The following DRC8 variants were observed in gnomAD, a reference collection of about 807,000 sequenced individuals.
DRC8 encodes dynein regulatory complex protein 8.
chr1:244,994,305 A>T, the DRC8 span, among the ~76,000 whole-genome samples: 4 of 152,056 alleles, frequency 2.6e-5, no homozygotes, highest in Admixed American at 2.0e-4. Context: ...TCCTTTTAAA[A>T]TTTTTCATAG....
At chr1:245,090,711 A>T in the DRC8 span, among the ~76,000 whole-genome samples, 2 of 150,882 alleles carry the variant, frequency 1.3e-5, no homozygotes, top group African/African-American at 4.9e-5. Context: ...AGCTGGGGTC[A>T]TCCTGGACTC....
chr1:244,987,788 G>C, the DRC8 span, among the ~76,000 whole-genome samples: 1 of 151,892 alleles, frequency 6.6e-6, no homozygotes, highest in South Asian at 2.1e-4. Context: ...CAGTTCCCAT[G>C]GTAAGTATTC....
At chr1:245,018,226 C>CA in the DRC8 span, among the ~76,000 whole-genome samples, 6,326 of 61,738 alleles carry the variant, frequency 0.1, 791 homozygotes, top group African/African-American at 0.29. Flanking sequence ...GACTCTGTCT[C>CA]AAAAAAAAAA....
the DRC8 span, among the ~76,000 whole-genome samples, chr1:245,048,573 G>A: frequency 6.6e-6 from 1 of 151,858 alleles, no homozygotes; most frequent in Non-Finnish European, 1.5e-5. Context: ...AACGGTAAGA[G>A]TGTTGCCCTG....
the DRC8 span, among the ~76,000 whole-genome samples, chr1:244,990,470 C>A: frequency 4.6e-5 from 7 of 152,184 alleles, no homozygotes; most frequent in African/African-American, 1.7e-4. Flanking sequence ...GGGGAGACTA[C>A]TGCACTTGAT....
At chr1:245,016,401 C>T in the DRC8 span, among the ~76,000 whole-genome samples, 4 of 152,182 alleles carry the variant, frequency 2.6e-5, no homozygotes, top group African/African-American at 7.2e-5. Flanking sequence ...GTTCCTTCCC[C>T]TCCTTCAGGT....
At chr1:245,051,855 G>A in the DRC8 span, among the ~76,000 whole-genome samples, 8 of 152,186 alleles carry the variant, frequency 5.3e-5, no homozygotes, top group African/African-American at 1.7e-4. Flanking sequence ...AGGGAGATTT[G>A]CTTCTTTGAG....
At chr1:245,070,845 C>G in the DRC8 span, among the ~76,000 whole-genome samples, 1 of 152,182 alleles carries the variant, frequency 6.6e-6, no homozygotes, top group East Asian at 1.9e-4. Context: ...GCAATTAAGT[C>G]GAGAGAGTAG....
the DRC8 span, among the ~76,000 whole-genome samples, chr1:244,993,474 G>T: frequency 6.6e-6 from 1 of 152,114 alleles, no homozygotes; most frequent in Non-Finnish European, 1.5e-5. Flanking sequence ...CTTCTTGAGT[G>T]GTTTCTCTTG....
the DRC8 span, among the ~76,000 whole-genome samples, chr1:244,987,350 A>G: frequency 2.0e-5 from 3 of 151,954 alleles, no homozygotes; most frequent in African/African-American, 7.3e-5. Flanking sequence ...ACAGGCGTGC[A>G]TCACCACACC....
chr1:245,079,621 G>C, the DRC8 span, among the ~76,000 whole-genome samples: 1 of 152,140 alleles, frequency 6.6e-6, no homozygotes, highest in Admixed American at 6.5e-5. Context: ...ACAAACCACG[G>C]TTCGTAGCTT....
the DRC8 span, among the ~76,000 whole-genome samples, chr1:244,976,821 C>T: frequency 3.3e-5 from 5 of 152,134 alleles, no homozygotes; most frequent in East Asian, 1.9e-4. Context: ...AGCAAGGCCT[C>T]GAAGAGATAT....
chr1:245,038,670 A>G, the DRC8 span, among the ~76,000 whole-genome samples: 27 of 152,316 alleles, frequency 1.8e-4, no homozygotes, highest in East Asian at 3.5e-3. Flanking sequence ...CTGGATAGCT[A>G]TTTAGAAAAA....
chr1:245,035,086 TC>T, the DRC8 span, among the ~76,000 whole-genome samples: 1 of 152,124 alleles, frequency 6.6e-6, no homozygotes, highest in African/African-American at 2.4e-5. Flanking sequence ...CCAGTCCTAG[TC>T]ATATGTATAT....
the DRC8 span, among the ~76,000 whole-genome samples, chr1:244,980,135 C>T: frequency 0.023 from 3,282 of 140,696 alleles, 132 homozygotes; most frequent in African/African-American, 0.082. Context: ...AGGACAATGG[C>T]GTGGACCCAG....
chr1:245,060,570 C>T, the DRC8 span, among the ~76,000 whole-genome samples: 1 of 151,122 alleles, frequency 6.6e-6, no homozygotes, highest in Admixed American at 6.6e-5. Flanking sequence ...GCTTGTTTTT[C>T]CTGAATTGAT....
At chr1:245,115,555 T>G in the DRC8 span, among the ~76,000 whole-genome samples, 1 of 152,250 alleles carries the variant, frequency 6.6e-6, no homozygotes, top group Non-Finnish European at 1.5e-5. Context: ...GACTCATTCA[T>G]TCTTTCAGTC....
At chr1:245,114,136 T>C in the DRC8 span, among the ~76,000 whole-genome samples, 4 of 152,180 alleles carry the variant, frequency 2.6e-5, no homozygotes, top group African/African-American at 9.7e-5. Context: ...TACTGGTAGC[T>C]TAGGCCTCAC....
chr1:245,044,550 G>GATTTATTTATTT, the DRC8 span, among the ~76,000 whole-genome samples: 4 of 149,898 alleles, frequency 2.7e-5, no homozygotes, highest in African/African-American at 9.8e-5. Flanking sequence ...GCCCAGGCTG[G>GATTTATTTATTT]ATTTATTTAT....
Sources: allele counts gnomAD v4.1 joint callset (sites outside exome capture counted in the v4.1 genomes callset), GRCh38; gene constraint gnomAD v4.1.1; transcripts MANE v1.5; gene names NCBI Gene and HGNC (gene_info 2026-07-23, HGNC 2026-07-21).